ATP11A: variants seen among roughly 807,000 people sequenced by gnomAD.
ATP11A encodes ATPase phospholipid transporting 11A, also known as phospholipid-transporting ATPase IH.
ATP11A carries 81 observed loss-of-function variants against 154.4 expected under a neutral mutation model. The observed-to-expected ratio is 0.52, with a 90% CI of 0.44 to 0.63. ATP11A has a LOEUF of 0.63. Ranked by LOEUF, ATP11A falls within the 30% of genes least tolerant of loss-of-function variation. The pLI is 0.00. For missense variants in ATP11A, 1,316 were observed against 1,474.3 expected (o/e 0.89, Z 1.76); for synonymous variants, 623 against 585.9 (o/e 1.06, Z -0.91).
chr13:112,872,947 AGCG>A (rs1594244107), intron 26 of ATP11A, among the ~76,000 whole-genome samples: 11 of 147,596 alleles, frequency 7.5e-5, no homozygotes, highest in Non-Finnish European at 5.9e-5. Flanking sequence ...TGTCTTCCTG[AGCG>A]GTGTGAGGTG....
At chr13:112,819,975 G>T (rs2078753154) in intron 8 of ATP11A, 25 bp downstream of exon 8, 1 of 1,564,482 alleles carries the variant, frequency 6.4e-7, no homozygotes, top group Non-Finnish European at 8.7e-7. Context: ...GGATGCCTTG[G>T]CCACGGTCAC....
chr13:112,778,612 GGAGTAGCCACTGGAGT>G (rs1448955939), intron 1 of ATP11A, among the ~76,000 whole-genome samples: 5 of 149,712 alleles, frequency 3.3e-5, no homozygotes, highest in Non-Finnish European at 7.4e-5. Flanking sequence ...GCTGGTTTGA[GGAGTAGCCACTGGAGT>G]GAGTAGCCGC....
intron 17 of ATP11A, among the ~76,000 whole-genome samples, chr13:112,846,068 C>T (rs1053922630): frequency 6.6e-5 from 10 of 152,174 alleles, no homozygotes; most frequent in Non-Finnish European, 1.0e-4. Context: ...CCTGTCAGAG[C>T]GTCTTCATTT....
rs2080620044 is a variant in ATP11A at position 112,873,689 on chromosome 13, T to G, written c.3161+13T>G. On this transcript the variant is annotated intron_variant, in intron 27 of 29. Coordinates refer to ENST00000375645, the MANE Select transcript of ATP11A (RefSeq NM_015205.3). The stretch of plus-strand genomic sequence containing the variant: ...GAGGAGTGATCTGGTAAATATCTGA[T>G]AAGTAGCTGATAATCTGATAAATAT... 1 of 1,592,352 alleles carries G rather than the reference T, an allele frequency of 6.3e-7. No homozygotes were observed.
rs568177181 is a variant in ATP11A, at chr13:112,693,333, G to A, written c.39+2878G>A. Among the ~76,000 whole-genome samples, 72 of 151,936 alleles carry A rather than the reference G, an allele frequency of 4.7e-4. 1 individual carries two copies. The highest frequency in any genetic ancestry group is 2.9e-3 in the East Asian group (15 of 5,178). On this transcript the variant is annotated intron_variant, in intron 1 of 29. Transcript: ENST00000375645. ...GGGTGATGTATGTGCTCTGGGGGGC[G>A]TGGGGAAAAGCGTGTGTGCCGTGGG...
Position 112,882,508 on chromosome 13 carries a change from A to T in ATP11A, c.*642A>T, listed in dbSNP as rs2080909478. On this transcript the variant is annotated 3_prime_UTR_variant, in exon 30 of 30. Transcript: ENST00000375645. The surrounding 1 kb of genome is among the most constrained non-coding windows in gnomAD (Gnocchi z 5.1). The stretch of plus-strand genomic sequence containing the variant: ...CGGATGCTGTGGGAAGGGCCGGGTC[A>T]CTCGGATACCATCATCCCTGCGGAT... 2.2e-6 allele frequency: 1 copy of T among 456,968 alleles called. No individual in the cohort carries two copies. The highest frequency in any genetic ancestry group is 3.8e-6 in the Non-Finnish European group (1 of 262,322). The allele number at this position is 456,968 out of a possible 1,614,324, so 28.3% of individuals were successfully genotyped here. A position where few individuals can be genotyped will look rare whatever the true frequency, so the allele number is the denominator to read the frequency against.
chr13:112,803,542 T>G (rs1033099082), intron 2 of ATP11A, among the ~76,000 whole-genome samples: 2 of 151,946 alleles, frequency 1.3e-5, no homozygotes, highest in African/African-American at 4.8e-5. Context: ...AGATGAAATT[T>G]CAGAAACTAT....
chr13:112,763,798 C>T (rs957525193), intron 1 of ATP11A, among the ~76,000 whole-genome samples: 2 of 152,186 alleles, frequency 1.3e-5, no homozygotes, highest in Non-Finnish European at 2.9e-5. Context: ...GGCTCCCCCA[C>T]CCCCTGCTTG....
At chr13:112,794,630 G>A (rs1476360678) in intron 2 of ATP11A, among the ~76,000 whole-genome samples, 1 of 152,212 alleles carries the variant, frequency 6.6e-6, no homozygotes, top group East Asian at 1.9e-4. Context: ...AGAACTTTGG[G>A]AGGCCGAAGC....
At position 112,862,560 on chromosome 13, in the gene ATP11A, G is replaced by A; in HGVS notation, c.2976G>A (p.Val992=). The part of the protein sequence containing the change: ...GAYFVFENTT[V]TSNGQIFGNW... ...ATTTCGTGTTTGAAAATACAACTGT[G>A]ACAAGCAACGGGCAGGTCAGTACAG... is the stretch of plus-strand genomic sequence containing the variant. The change falls in exon 25 of 30, where the codon GTG becomes GTA. Residue 992 remains valine (V), a synonymous_variant. Transcript: ENST00000375645. 1 of 1,614,182 alleles carries A rather than the reference G, an allele frequency of 6.2e-7. No individual in the cohort carries two copies. Among genetic ancestry groups the A allele is most frequent in the Non-Finnish European group, 8.5e-7 (1 of 1,180,018 alleles).
At chr13:112,843,762 G>A (rs1365244358) in intron 17 of ATP11A, among the ~76,000 whole-genome samples, 3 of 152,210 alleles carry the variant, frequency 2.0e-5, no homozygotes, top group African/African-American at 4.8e-5. Context: ...TTTCGCTCGC[G>A]AGCCCGTGCG....
At chr13:112,698,418 T>C (rs1422244449) in intron 1 of ATP11A, among the ~76,000 whole-genome samples, 1 of 152,246 alleles carries the variant, frequency 6.6e-6, no homozygotes, top group African/African-American at 2.4e-5. Flanking sequence ...GTGCTTTAGC[T>C]GCTGCATGCT....
In ATP11A at chr13:112,834,653, A is replaced by G. The variant is rs1438718649; in HGVS notation, c.1624A>G (p.Ile542Val). The change falls in exon 15 of 30, where the codon ATC (isoleucine) becomes GTC (valine). Residue 542 changes from isoleucine (I) to valine (V), a missense_variant. Coordinates refer to ENST00000375645, the MANE Select transcript of ATP11A (RefSeq NM_015205.3). ...GGAGATATTAAACAGGGAGAACCAC[A>G]TCGAAAGGTATGTGCAGACCTCACC... ...YMEILNRENH[I>V]ERFELLEILS... 1.9e-6 allele frequency: 3 copies of G among 1,613,158 alleles called. No individual in the cohort carries two copies. The highest frequency in any genetic ancestry group is 1.3e-5 in the African/African-American group (1 of 75,038).
intron 14 of ATP11A, 62 bp from the exon 15 acceptor site, chr13:112,834,527 A>G: frequency 1.9e-6 from 2 of 1,081,038 alleles, no homozygotes; most frequent in Middle Eastern, 2.0e-4. Context: ...TAAAGCAAAT[A>G]CTCTATGAAA....
intron 2 of ATP11A, among the ~76,000 whole-genome samples, chr13:112,794,723 C>A (rs1248545673): frequency 1.3e-5 from 2 of 152,018 alleles, no homozygotes; most frequent in Non-Finnish European, 2.9e-5. Context: ...AAAAAATTAA[C>A]TGCGTGTGGT....
rs140657260 is a variant in ATP11A, at chr13:112,805,172, T to A, written c.252+126T>A. On this transcript the variant is annotated intron_variant, in intron 3 of 29. Transcript: ENST00000375645. ...ATGGTGCCCCTCACCTATGATTAAT[T>A]TATTTATTTTCTTAAGGAAGGGCAA... is the stretch of plus-strand genomic sequence containing the variant. The A allele has an allele frequency of 2.5e-4, 162 of 650,238 alleles. 1 individual carries two copies. The African/African-American group carries it at 2.9e-3, about 12-fold the overall frequency. The allele number at this position is 650,238 out of a possible 1,614,324, so 40.3% of individuals were successfully genotyped here. A position where few individuals can be genotyped will look rare whatever the true frequency, so the allele number is the denominator to read the frequency against.
At chr13:112,815,282 G>A (rs1006296486) in intron 5 of ATP11A, among the ~76,000 whole-genome samples, 1 of 139,206 alleles carries the variant, frequency 7.2e-6, no homozygotes, top group South Asian at 2.3e-4. Context: ...CCAGATCTGC[G>A]ATACCTTCCA....
In ATP11A at chr13:112,774,699, C is replaced by T. The variant is rs117243514; in HGVS notation, c.40-10436C>T. ...CCTTCCTGTGTTTGCATGCACAGCCCGGACTGCATGGTGACTTACAGTGTA... is the reference window on the plus strand; with the variant it reads ...CCTTCCTGTGTTTGCATGCACAGCCTGGACTGCATGGTGACTTACAGTGTA... On this transcript the variant is annotated intron_variant, in intron 1 of 29. Coordinates refer to ENST00000375645, the MANE Select transcript of ATP11A (RefSeq NM_015205.3). Among the ~76,000 whole-genome samples, 98 of 152,340 alleles carry T rather than the reference C, an allele frequency of 6.4e-4. No homozygotes were observed. In the East Asian group the frequency reaches 0.018, roughly 28 times the overall value.
intron 16 of ATP11A, among the ~76,000 whole-genome samples, chr13:112,841,221 TCG>T (rs2079406567): frequency 6.8e-6 from 1 of 146,326 alleles, no homozygotes; most frequent in South Asian, 2.1e-4. Flanking sequence ...CCACGTGGCT[TCG>T]CGGACCACGG....
Sources: gnomAD v4.1 joint callset for allele counts (sites outside exome capture counted in the v4.1 genomes callset) on GRCh38, gnomAD v4.1.1 for gene constraint, Gnocchi (gnomAD v3.1) non-coding constraint, MANE v1.5 for transcripts, NCBI Gene and HGNC (gene_info 2026-07-23, HGNC 2026-07-21) for gene names.